GALNT1: variants seen among roughly 807,000 people sequenced by gnomAD.
The protein encoded by GALNT1 is polypeptide N-acetylgalactosaminyltransferase 1.
In GALNT1, 17 loss-of-function variants were observed where a neutral mutation model predicts 65.7. That is an observed-to-expected ratio of 0.26 (90% CI 0.18 to 0.39). GALNT1 has a LOEUF of 0.39. GALNT1 is among the 10% of genes least tolerant of loss of function. GALNT1 has a pLI of 1.00. For missense variants in GALNT1, 460 were observed against 672.8 expected, an observed-to-expected ratio of 0.68 and a Z score of 3.50; for synonymous variants, 210 against 219.7, an observed-to-expected ratio of 0.96 and a Z score of 0.39.
At position 35,710,002 on chromosome 18, in the gene GALNT1, T is replaced by C. The variant is rs983843120; in HGVS notation, c.*232T>C. The C allele has an allele frequency of 2.3e-5, 10 of 435,902 alleles. No homozygotes were observed. The highest frequency in any genetic ancestry group is 2.0e-4 in the African/African-American group (10 of 51,246). 27.0% of individuals were successfully genotyped at this position (435,902 alleles called of 1,614,324 possible). On this transcript the variant is annotated 3_prime_UTR_variant, in exon 12 of 12. Transcript: ENST00000269195. ...TAATGAGACTGTGCACACTGATGTT[T>C]ACAAGATTGAAAGAGTCTTTCTCCG...
chr18:35,585,345 C>T (rs2046367855), intron 1 of GALNT1, among the ~76,000 whole-genome samples: 1 of 152,176 alleles, frequency 6.6e-6, no homozygotes, highest in Non-Finnish European at 1.5e-5. Context: ...GAAGTGCTAC[C>T]TGTTTTTCAT....
intron 1 of GALNT1, among the ~76,000 whole-genome samples, chr18:35,608,944 A>G (rs1177315141): frequency 6.6e-6 from 1 of 152,216 alleles, no homozygotes; most frequent in African/African-American, 2.4e-5. Context: ...GTTCTTCCTT[A>G]TTAGTGAACA....
chr18:35,598,311 A>G (rs1239888977), intron 1 of GALNT1, among the ~76,000 whole-genome samples: 1 of 151,982 alleles, frequency 6.6e-6, no homozygotes, highest in Non-Finnish European at 1.5e-5. Flanking sequence ...TTGGGATTAC[A>G]GGCGTGAGCC....
intron 4 of GALNT1, among the ~76,000 whole-genome samples, chr18:35,679,644 A>T (rs957351615): frequency 2.6e-5 from 4 of 152,090 alleles, no homozygotes; most frequent in African/African-American, 9.7e-5. Flanking sequence ...ATTCTCCTTT[A>T]TCTTCCTGCC....
chr18:35,700,982 G>T (rs1348352033), intron 9 of GALNT1, among the ~76,000 whole-genome samples: 1 of 152,110 alleles, frequency 6.6e-6, no homozygotes, highest in Non-Finnish European at 1.5e-5. Flanking sequence ...AACAGGATTG[G>T]AGAGTTTATA....
intron 1 of GALNT1, among the ~76,000 whole-genome samples, chr18:35,593,145 C>T (rs897498594): frequency 2.0e-5 from 3 of 152,062 alleles, no homozygotes; most frequent in Admixed American, 6.6e-5. Flanking sequence ...ATGTGGCACA[C>T]GGAGGTGTTT....
chr18:35,676,412 C>T (rs1568030240), intron 3 of GALNT1, among the ~76,000 whole-genome samples: 1 of 152,202 alleles, frequency 6.6e-6, no homozygotes, highest in Non-Finnish European at 1.5e-5. Flanking sequence ...ACGATGACTT[C>T]TTTCAACCCT....
At chr18:35,640,817 G>A (rs1308980047) in intron 1 of GALNT1, among the ~76,000 whole-genome samples, 1 of 152,196 alleles carries the variant, frequency 6.6e-6, no homozygotes, top group Non-Finnish European at 1.5e-5. Flanking sequence ...TTTAGAGAGA[G>A]CTTTCCATAA....
chr18:35,581,394 C>G (rs1326726922), upstream of GALNT1: 5 of 149,236 alleles, frequency 3.4e-5, no homozygotes, highest in Non-Finnish European at 7.5e-5. Context: ...CGTCGCGGCC[C>G]CGCGGTGGGC....
intron 11 of GALNT1, among the ~76,000 whole-genome samples, chr18:35,704,235 C>G (rs1175620415): frequency 6.6e-6 from 1 of 152,026 alleles, no homozygotes; most frequent in Non-Finnish European, 1.5e-5. Flanking sequence ...GCACCAACAT[C>G]TTCAATATTT....
chr18:35,607,579 C>A (rs903941312), intron 1 of GALNT1, among the ~76,000 whole-genome samples: 2 of 152,020 alleles, frequency 1.3e-5, no homozygotes. Flanking sequence ...TTATACAGCT[C>A]ATGTATGAGG....
At chr18:35,699,249 G>GTAGA (rs2048115619) in intron 9 of GALNT1, among the ~76,000 whole-genome samples, 1 of 152,160 alleles carries the variant, frequency 6.6e-6, no homozygotes. Flanking sequence ...CATCCTGTCA[G>GTAGA]TAGATACCTT....
chr18:35,653,523 A>G (rs138487421), intron 1 of GALNT1, among the ~76,000 whole-genome samples: 25 of 152,296 alleles, frequency 1.6e-4, no homozygotes, highest in African/African-American at 5.5e-4. Flanking sequence ...GCATAGACAC[A>G]GTGCAGACTC....
intron 11 of GALNT1, 101 bp downstream of exon 11, chr18:35,703,744 T>A (rs766899092): frequency 1.0e-5 from 12 of 1,156,706 alleles, no homozygotes; most frequent in Non-Finnish European, 1.2e-5. Flanking sequence ...ACCTTGAATA[T>A]GGATCAAACT....
chr18:35,697,326 T>G (rs1264654999), intron 9 of GALNT1, among the ~76,000 whole-genome samples: 1 of 152,122 alleles, frequency 6.6e-6, no homozygotes, highest in Non-Finnish European at 1.5e-5. Flanking sequence ...ATATCTGATG[T>G]CCCCAAGGTG....
chr18:35,605,018 A>G (rs931528695), intron 1 of GALNT1, among the ~76,000 whole-genome samples: 2 of 152,210 alleles, frequency 1.3e-5, no homozygotes, highest in Non-Finnish European at 1.5e-5. Context: ...CATCTCAGAT[A>G]TTCTTTAATT....
chr18:35,648,062 G>A (rs1269192572), intron 1 of GALNT1, among the ~76,000 whole-genome samples: 3 of 144,318 alleles, frequency 2.1e-5, no homozygotes, highest in African/African-American at 8.2e-5. Context: ...AAGGGAGGAA[G>A]TGAGGAAGGG....
At chr18:35,670,826 T>A (rs2047624026) in intron 3 of GALNT1, among the ~76,000 whole-genome samples, 1 of 152,182 alleles carries the variant, frequency 6.6e-6, no homozygotes, top group Non-Finnish European at 1.5e-5. Flanking sequence ...AACACTTGGT[T>A]TAGGACAACG....
In GALNT1 at chr18:35,614,857, A is replaced by G. The variant is rs1169136990; in HGVS notation, c.-104+32995A>G. On this transcript the variant is annotated intron_variant, in intron 1 of 11. Coordinates refer to ENST00000269195, the MANE Select transcript of GALNT1 (RefSeq NM_020474.4). Reference sequence around the variant, plus strand: ...ATAAATGTAATAAAAATATTTCTCAATAGTAAAAAAAATAAAAAGCCACCT... The same window carrying G: ...ATAAATGTAATAAAAATATTTCTCAGTAGTAAAAAAAATAAAAAGCCACCT... 3.9e-5 allele frequency among the ~76,000 whole-genome samples: 6 copies of G among 152,114 alleles called. No homozygotes were observed. The East Asian group carries it at 9.6e-4, about 24-fold the overall frequency.
Sources: gnomAD v4.1 joint callset for allele counts (sites outside exome capture counted in the v4.1 genomes callset) on GRCh38, gnomAD v4.1.1 for gene constraint, MANE v1.5 for transcripts, NCBI Gene and HGNC (gene_info 2026-07-23, HGNC 2026-07-21) for gene names.